The following ADAMTSL3 variants were observed in gnomAD, a reference collection of about 807,000 sequenced individuals.
ADAMTSL3 encodes ADAMTS-like protein 3.
In ADAMTSL3, 128 loss-of-function variants were observed where a neutral mutation model predicts 201.7. The ratio of observed to expected loss-of-function variants is 0.63; its 90% confidence interval spans 0.55 to 0.73. The LOEUF (loss-of-function observed/expected upper bound fraction) is 0.73, where lower values mean the gene tolerates loss of function less well. Among genes scored for constraint, ADAMTSL3 ranks in the 30% least tolerant of loss-of-function variants. The probability of loss-of-function intolerance (pLI) is 0.00; values close to 1 mark genes in which losing one functional copy is unlikely to be tolerated. For synonymous variants in ADAMTSL3, 738 were observed against 748.4 expected (o/e 0.99, Z 0.23); for missense variants, 1,990 against 2,119.6 (o/e 0.94, Z 1.20).
intron 28 of ADAMTSL3, 96 bp from the exon 29 acceptor site, chr15:84,036,677 G>C (rs2068512046): frequency 2.3e-6 from 2 of 878,588 alleles, no homozygotes; most frequent in African/African-American, 3.4e-5. Flanking sequence ...TTAATACGTA[G>C]TATAGAGTAA....
At chr15:83,690,291 A>G (rs1489233638) in intron 2 of ADAMTSL3, among the ~76,000 whole-genome samples, 8 of 152,082 alleles carry the variant, frequency 5.3e-5, no homozygotes, top group Admixed American at 4.6e-4. Context: ...CACGGACTTC[A>G]TGGTCTGCCT....
chr15:83,725,028 T>C (rs1055653955), intron 3 of ADAMTSL3, among the ~76,000 whole-genome samples: 4 of 152,056 alleles, frequency 2.6e-5, no homozygotes, highest in African/African-American at 7.2e-5. Flanking sequence ...GGAGGGCAGA[T>C]ATCTCTTCGA....
rs544942261 is a variant in ADAMTSL3, at chr15:83,828,627, A to G, written c.600+8580A>G. 3.3e-5 allele frequency among the ~76,000 whole-genome samples: 5 copies of G among 152,268 alleles called. No homozygotes were observed. In the East Asian group the frequency reaches 5.8e-4, roughly 18 times the overall value. Reference sequence around the variant, plus strand: ...GCCAGTTTTCAAAGGGAATGCTTCCAGTTTTTGCCCATTCAGTATGATATT... The same window carrying G: ...GCCAGTTTTCAAAGGGAATGCTTCCGGTTTTTGCCCATTCAGTATGATATT... On this transcript the variant is annotated intron_variant, in intron 6 of 29. Coordinates refer to ENST00000286744, the MANE Select transcript of ADAMTSL3 (RefSeq NM_207517.3).
chr15:83,878,400 G>A (rs1231703334), intron 9 of ADAMTSL3, among the ~76,000 whole-genome samples: 1 of 152,078 alleles, frequency 6.6e-6, no homozygotes, highest in Middle Eastern at 3.2e-3. Context: ...CGGATCACGA[G>A]GTCAGGAGAT....
intron 17 of ADAMTSL3, among the ~76,000 whole-genome samples, chr15:83,929,697 C>CACAGAGAGAG (rs1014741446): frequency 6.6e-6 from 1 of 150,744 alleles, no homozygotes; most frequent in African/African-American, 2.4e-5. Flanking sequence ...CACACACACA[C>CACAGAGAGAG]ACAGAGAGAG....
chr15:84,033,330 A>G (rs1404215246), intron 28 of ADAMTSL3, among the ~76,000 whole-genome samples: 1 of 152,168 alleles, frequency 6.6e-6, no homozygotes, highest in African/African-American at 2.4e-5. Flanking sequence ...ACTTGCTCTT[A>G]GGAAGATTGA....
chr15:83,672,819 T>C (rs2061345487), intron 2 of ADAMTSL3, among the ~76,000 whole-genome samples: 1 of 152,218 alleles, frequency 6.6e-6, no homozygotes. Context: ...CAGAGCCCAG[T>C]CAGGCCTTTG....
At chr15:83,837,016 A>G (rs1219344402) in intron 6 of ADAMTSL3, among the ~76,000 whole-genome samples, 1 of 152,186 alleles carries the variant, frequency 6.6e-6, no homozygotes. Flanking sequence ...TAAAAAAGAA[A>G]TATAAGACAT....
chr15:83,801,645 A>ATATAT lies in ADAMTSL3; in HGVS notation c.318-3005_318-3004insTATAT, dbSNP rs2063517183. ...GAAATTTTATATATATAAATATATAAATATAAATATATATATATATATATA... is the reference window on the plus strand; with the variant it reads ...GAAATTTTATATATATAAATATATAATATATATATAAATATATATATATATATATA... On this transcript the variant is annotated intron_variant, in intron 4 of 29. Coordinates refer to ENST00000286744, the MANE Select transcript of ADAMTSL3 (RefSeq NM_207517.3). Among the ~76,000 whole-genome samples, 45 of 43,878 alleles carry ATATAT rather than the reference A, an allele frequency of 1.0e-3. 1 individual carries two copies. The highest frequency in any genetic ancestry group is 1.3e-3 in the South Asian group (1 of 798). The allele number at this position is 43,878 out of a possible 152,430, so 28.8% of individuals were successfully genotyped here. A position where few individuals can be genotyped will look rare whatever the true frequency, so the allele number is the denominator to read the frequency against.
rs560127590 is a variant in ADAMTSL3, at chr15:83,746,195, G to T, written c.190-27328G>T. Among the ~76,000 whole-genome samples, 9 of 151,946 alleles carry T rather than the reference G, an allele frequency of 5.9e-5. No homozygotes were observed. In the East Asian group the frequency reaches 1.4e-3, roughly 23 times the overall value. Reference sequence around the variant, plus strand: ...GGTATAGAATTGCCTATGTCCCTTTGTCTTATTAATCAAGAATGTGATGTT... The same window carrying T: ...GGTATAGAATTGCCTATGTCCCTTTTTCTTATTAATCAAGAATGTGATGTT... On this transcript the variant is annotated intron_variant, in intron 3 of 29. Coordinates refer to ENST00000286744, the MANE Select transcript of ADAMTSL3 (RefSeq NM_207517.3).
chr15:83,800,699 T>G (rs1286478610), intron 4 of ADAMTSL3, among the ~76,000 whole-genome samples: 1 of 152,204 alleles, frequency 6.6e-6, no homozygotes, highest in Non-Finnish European at 1.5e-5. Context: ...TCAAATATTT[T>G]TTTTAACCTG....
At chr15:83,903,924 A>AGGAAGG (rs1449297227) in intron 15 of ADAMTSL3, among the ~76,000 whole-genome samples, 31 of 62,200 alleles carry the variant, frequency 5.0e-4, no homozygotes, top group East Asian at 8.9e-4. Context: ...CATCAAAAAA[A>AGGAAGG]AAAAAAAAAA....
chr15:83,766,855 G>A (rs1395742012), intron 3 of ADAMTSL3, among the ~76,000 whole-genome samples: 1 of 152,194 alleles, frequency 6.6e-6, no homozygotes, highest in Non-Finnish European at 1.5e-5. Context: ...AGCACTTTGG[G>A]AGGCCTAGGC....
intron 10 of ADAMTSL3, among the ~76,000 whole-genome samples, chr15:83,886,056 G>A (rs1448115503): frequency 6.6e-6 from 1 of 152,154 alleles, no homozygotes; most frequent in Non-Finnish European, 1.5e-5. Context: ...GTTGAGGAAG[G>A]TTTGGGGACA....
chr15:83,844,410 T>C (rs930375011), intron 7 of ADAMTSL3, among the ~76,000 whole-genome samples: 3 of 152,194 alleles, frequency 2.0e-5, no homozygotes, highest in Non-Finnish European at 2.9e-5. Context: ...ATTTAACTTA[T>C]TCCATAGCAA....
intron 9 of ADAMTSL3, among the ~76,000 whole-genome samples, chr15:83,883,516 A>C (rs1045358939): frequency 7.7e-6 from 1 of 130,532 alleles, no homozygotes; most frequent in African/African-American, 3.3e-5. Flanking sequence ...TCCCAATTTT[A>C]TTTCTTTTTT....
intron 10 of ADAMTSL3, among the ~76,000 whole-genome samples, chr15:83,888,071 A>G (rs2065431864): frequency 6.6e-6 from 1 of 152,182 alleles, no homozygotes; most frequent in Non-Finnish European, 1.5e-5. Flanking sequence ...TGTTTCTCCT[A>G]CTTGGGTGCC....
chr15:83,658,867 T>C (rs1050849357), intron 2 of ADAMTSL3, among the ~76,000 whole-genome samples: 1 of 150,712 alleles, frequency 6.6e-6, no homozygotes, highest in Non-Finnish European at 1.5e-5. Context: ...GTGCCCCCCC[T>C]TTTTTTTCTC....
At chr15:83,842,833 G>A (rs747254360) in intron 7 of ADAMTSL3, among the ~76,000 whole-genome samples, 1 of 152,154 alleles carries the variant, frequency 6.6e-6, no homozygotes, top group Admixed American at 6.5e-5. Flanking sequence ...GCCAGATCCC[G>A]GTGTAATGGA....
Sources: allele counts gnomAD v4.1 joint callset (sites outside exome capture counted in the v4.1 genomes callset), GRCh38; gene constraint gnomAD v4.1.1; transcripts MANE v1.5; gene names NCBI Gene and HGNC (gene_info 2026-07-23, HGNC 2026-07-21).